RSBN1L: variants seen among roughly 807,000 people sequenced by gnomAD.
The protein encoded by RSBN1L is lysine-specific demethylase RSBN1L.
A neutral mutation model predicts 67.7 loss-of-function variants in RSBN1L; 30 were observed. The observed-to-expected ratio is 0.44, with a 90% CI of 0.33 to 0.60. RSBN1L has a LOEUF of 0.60. Ranked by LOEUF, RSBN1L falls within the 20% of genes least tolerant of loss-of-function variation. RSBN1L has a pLI of 0.02. For missense variants in RSBN1L, 992 were observed against 1,031.7 expected (o/e 0.96, Z 0.53); for synonymous variants, 433 against 387.0 (o/e 1.12, Z -1.39).
At chr7:77,739,225 C>G (rs183962717) in intron 2 of RSBN1L, among the ~76,000 whole-genome samples, 63 of 152,166 alleles carry the variant, frequency 4.1e-4, no homozygotes, top group South Asian at 1.2e-3. Context: ...AATATACTTT[C>G]ATTTACTACT....
At chr7:77,747,228 C>G (rs1383208148) in intron 2 of RSBN1L, among the ~76,000 whole-genome samples, 1 of 152,176 alleles carries the variant, frequency 6.6e-6, no homozygotes, top group Non-Finnish European at 1.5e-5. Context: ...AGCCTATTGT[C>G]AGGGAAGAGT....
chr7:77,733,077 T>G (rs1241976843), intron 1 of RSBN1L, among the ~76,000 whole-genome samples: 1 of 152,138 alleles, frequency 6.6e-6, no homozygotes, highest in Non-Finnish European at 1.5e-5. Context: ...GAGGATTGCT[T>G]GAGCCCAGGA....
intron 1 of RSBN1L, among the ~76,000 whole-genome samples, chr7:77,728,878 T>A (rs1791240187): frequency 6.6e-6 from 1 of 152,232 alleles, no homozygotes; most frequent in African/African-American, 2.4e-5. Flanking sequence ...CCCTGGAGAT[T>A]ATCTGTACCT....
intron 3 of RSBN1L, among the ~76,000 whole-genome samples, chr7:77,750,321 T>TTTTA (rs1791540950): frequency 9.3e-6 from 1 of 107,488 alleles, no homozygotes; most frequent in Non-Finnish European, 1.9e-5. Context: ...TTTTTTTTTT[T>TTTTA]GCAAGGAGTG....
At chr7:77,715,098 C>T (rs1316822444) in intron 1 of RSBN1L, among the ~76,000 whole-genome samples, 3 of 151,940 alleles carry the variant, frequency 2.0e-5, no homozygotes, top group African/African-American at 7.3e-5. Flanking sequence ...ATGGTGAAAC[C>T]CTATCTCTAC....
chr7:77,755,685 AAAAC>A (rs897229047), intron 3 of RSBN1L, among the ~76,000 whole-genome samples: 42 of 151,802 alleles, frequency 2.8e-4, no homozygotes, highest in East Asian at 1.2e-3. Flanking sequence ...ACAAAAACAA[AAAAC>A]AAACAACCTC....
intron 1 of RSBN1L, among the ~76,000 whole-genome samples, chr7:77,728,153 C>A (rs1791230886): frequency 1.3e-5 from 2 of 152,182 alleles, no homozygotes; most frequent in Non-Finnish European, 2.9e-5. Context: ...GTCCTCCGAT[C>A]TCACATTGTC....
chr7:77,706,466 C>T (rs1483828278), intron 1 of RSBN1L, among the ~76,000 whole-genome samples: 1 of 152,162 alleles, frequency 6.6e-6, no homozygotes, highest in African/African-American at 2.4e-5. Flanking sequence ...CTGCCTCGAC[C>T]TCCCAAAGTG....
At chr7:77,729,734 GT>G (rs1266750967) in intron 1 of RSBN1L, among the ~76,000 whole-genome samples, 1 of 152,140 alleles carries the variant, frequency 6.6e-6, no homozygotes, top group Admixed American at 6.5e-5. Flanking sequence ...TAGGTGGAGT[GT>G]TTGAGCACAG....
At chr7:77,759,946 G>A (rs979899272) in intron 3 of RSBN1L, among the ~76,000 whole-genome samples, 1 of 152,178 alleles carries the variant, frequency 6.6e-6, no homozygotes, top group Non-Finnish European at 1.5e-5. Flanking sequence ...GTGGACTGTA[G>A]AGCTCTCTCT....
intron 3 of RSBN1L, among the ~76,000 whole-genome samples, chr7:77,761,270 A>G (rs1791694272): frequency 6.6e-6 from 1 of 151,992 alleles, no homozygotes; most frequent in Non-Finnish European, 1.5e-5. Flanking sequence ...CCTTCTAAAT[A>G]TGTGGTTTCT....
chr7:77,718,491 A>G (rs1051000509), intron 1 of RSBN1L, among the ~76,000 whole-genome samples: 3 of 151,992 alleles, frequency 2.0e-5, no homozygotes, highest in African/African-American at 4.8e-5. Flanking sequence ...AGGTTTTATC[A>G]TGTTTGCCAG....
intron 2 of RSBN1L, among the ~76,000 whole-genome samples, chr7:77,739,598 A>G (rs918090347): frequency 1.1e-4 from 17 of 148,476 alleles, no homozygotes; most frequent in Admixed American, 5.4e-4. Context: ...CTGTAATCCC[A>G]GCTACTCGTG....
chr7:77,778,364 A>C lies in RSBN1L; in HGVS notation c.1820A>C (p.Asp607Ala), dbSNP rs757351310. 2 of 1,612,046 alleles carry C rather than the reference A, an allele frequency of 1.2e-6. No homozygotes were observed. Among genetic ancestry groups the C allele is most frequent in the Admixed American group, 3.4e-5 (2 of 59,606 alleles). Residue 607 changes from aspartate (D) to alanine (A), a missense_variant, in exon 7 of 8, where the codon GAT becomes GCT. Asp to Ala is a moderately radical substitution (Grantham distance 126). Coordinates refer to ENST00000334955, the MANE Select transcript of RSBN1L (RefSeq NM_198467.3). Reference sequence around the variant, plus strand: ...CCTGATCAACCCCGTATAACCAAAGATGTAATTTGTTTTCATGCTGAAGAT... The same window carrying C: ...CCTGATCAACCCCGTATAACCAAAGCTGTAATTTGTTTTCATGCTGAAGAT... ...EWPDQPRITKDVICFHAEDFL... is the reference protein window; with the variant it reads ...EWPDQPRITKAVICFHAEDFL...
intron 1 of RSBN1L, among the ~76,000 whole-genome samples, chr7:77,722,874 CTG>C (rs954284395): frequency 2.6e-5 from 4 of 151,662 alleles, no homozygotes; most frequent in East Asian, 1.9e-4. Context: ...GCAGGCAAAA[CTG>C]TGATGGTGTG....
In RSBN1L at chr7:77,763,374, C is replaced by T. The variant is rs950319175; in HGVS notation, c.1345-2121C>T. Reference sequence around the variant, plus strand: ...TTCACTTTCTAAATGGTTATCGTCTCTCAAAACCCCTTATGGTCATTTGCA... The same window carrying T: ...TTCACTTTCTAAATGGTTATCGTCTTTCAAAACCCCTTATGGTCATTTGCA... On this transcript the variant is annotated intron_variant, in intron 3 of 7. Transcript: ENST00000334955. Among the ~76,000 whole-genome samples, 9 of 152,120 alleles carry T rather than the reference C, an allele frequency of 5.9e-5. No individual in the cohort carries two copies. The East Asian group carries it at 9.6e-4, about 16-fold the overall frequency.
intron 1 of RSBN1L, among the ~76,000 whole-genome samples, chr7:77,727,391 A>G (rs1791218604): frequency 6.6e-6 from 1 of 152,200 alleles, no homozygotes; most frequent in Non-Finnish European, 1.5e-5. Flanking sequence ...CCAGCCCCCC[A>G]TCTGCTTTTA....
intron 3 of RSBN1L, among the ~76,000 whole-genome samples, chr7:77,753,484 G>A (rs948014810): frequency 2.0e-5 from 3 of 152,046 alleles, no homozygotes; most frequent in African/African-American, 7.2e-5. Flanking sequence ...TAGTTGATTT[G>A]TTGGACTATT....
chr7:77,700,829 A>G (rs1584271015), intron 1 of RSBN1L, among the ~76,000 whole-genome samples: 1 of 152,202 alleles, frequency 6.6e-6, no homozygotes. Context: ...CAAATCTGTC[A>G]GATAAACTTA....
Sources: gnomAD v4.1 joint callset for allele counts (sites outside exome capture counted in the v4.1 genomes callset) on GRCh38, gnomAD v4.1.1 for gene constraint, MANE v1.5 for transcripts, NCBI Gene and HGNC (gene_info 2026-07-23, HGNC 2026-07-21) for gene names.